The following FLT1 variants were observed in gnomAD, a reference collection of about 807,000 sequenced individuals.
The protein encoded by FLT1 is fms related receptor tyrosine kinase 1.
Under a neutral mutation model 156.3 loss-of-function variants are expected in FLT1, and 49 were observed. The observed-to-expected ratio is 0.31, with a 90% CI of 0.25 to 0.40. The LOEUF is 0.40. Ranked by LOEUF, FLT1 falls within the 10% of genes least tolerant of loss-of-function variation. The probability of loss-of-function intolerance (pLI) is 1.00; values close to 1 mark genes in which losing one functional copy is unlikely to be tolerated. For missense variants in FLT1, 1,322 were observed against 1,637.2 expected (o/e 0.81, Z 3.32); for synonymous variants, 594 against 583.8 (o/e 1.02, Z -0.25).
intron 1 of FLT1, among the ~76,000 whole-genome samples, chr13:28,486,595 G>C (rs1191236404): frequency 6.7e-6 from 1 of 149,734 alleles, no homozygotes; most frequent in Non-Finnish European, 1.5e-5. Flanking sequence ...ATAAGGCAGA[G>C]AAGGAGGACC....
chr13:28,362,399 C>T (rs1873143630), intron 14 of FLT1, among the ~76,000 whole-genome samples: 1 of 152,216 alleles, frequency 6.6e-6, no homozygotes, highest in Non-Finnish European at 1.5e-5. Flanking sequence ...TGTGGCTGTA[C>T]AGTTGCTCCG....
chr13:28,372,643 G>A (rs1487043172), intron 14 of FLT1, among the ~76,000 whole-genome samples: 1 of 135,954 alleles, frequency 7.4e-6, no homozygotes, highest in African/African-American at 2.7e-5. Context: ...CAGCACTTTG[G>A]GAGGCCAAGG....
At chr13:28,418,016 T>A (rs1876760276) in intron 10 of FLT1, among the ~76,000 whole-genome samples, 1 of 152,108 alleles carries the variant, frequency 6.6e-6, no homozygotes, top group Non-Finnish European at 1.5e-5. Context: ...TGAATCCTAA[T>A]CCAGGACATT....
At chr13:28,305,233 T>C (rs1019104077) in intron 29 of FLT1, among the ~76,000 whole-genome samples, 1 of 152,118 alleles carries the variant, frequency 6.6e-6, no homozygotes, top group Non-Finnish European at 1.5e-5. Context: ...TATCTTATGG[T>C]AATTTCTTTC....
intron 15 of FLT1, among the ~76,000 whole-genome samples, chr13:28,354,075 TC>T (rs1872819163): frequency 6.6e-6 from 1 of 152,172 alleles, no homozygotes; most frequent in African/African-American, 2.4e-5. Context: ...TCCATATGCA[TC>T]TAACAGGAAA....
At chr13:28,469,298 G>C (rs659413) in intron 1 of FLT1, among the ~76,000 whole-genome samples, 17,095 of 152,200 alleles carry the variant, frequency 0.11, 1,194 homozygotes, top group Admixed American at 0.2. Context: ...GTCATGGAGG[G>C]TTTACCATTA....
chr13:28,343,710 T>C (rs1248243681), intron 16 of FLT1, among the ~76,000 whole-genome samples: 3 of 151,178 alleles, frequency 2.0e-5, no homozygotes, highest in African/African-American at 7.3e-5. Context: ...TGGTGTGATC[T>C]TGGCTTACTG....
chr13:28,345,667 A>C (rs1408987447), intron 15 of FLT1, 116 bp from the exon 16 acceptor site: 2 of 716,810 alleles, frequency 2.8e-6, no homozygotes, highest in Non-Finnish European at 5.0e-6. Flanking sequence ...AGCGAACCCA[A>C]TCTGCTGCCA....
chr13:28,327,773 A>AAG (rs1249856920), intron 19 of FLT1, among the ~76,000 whole-genome samples: 7 of 122,414 alleles, frequency 5.7e-5, no homozygotes, highest in African/African-American at 2.0e-4. Context: ...AAAAAAAAAA[A>AAG]AAAGGAGGTG....
intron 10 of FLT1, among the ~76,000 whole-genome samples, chr13:28,411,920 G>A (rs1174758810): frequency 6.6e-6 from 1 of 151,632 alleles, no homozygotes; most frequent in Non-Finnish European, 1.5e-5. Context: ...TTTGGATGAT[G>A]AAATCTGAGG....
intron 10 of FLT1, among the ~76,000 whole-genome samples, chr13:28,406,320 T>C (rs1473545621): frequency 6.6e-6 from 1 of 152,202 alleles, no homozygotes; most frequent in Non-Finnish European, 1.5e-5. Flanking sequence ...GTTGGATGGC[T>C]AAGTTTTTCC....
In FLT1 at chr13:28,439,819, A is replaced by T. The variant is rs1878239666; in HGVS notation, c.389-1474T>A. 6.6e-6 allele frequency among the ~76,000 whole-genome samples: 1 copy of T among 152,220 alleles called. No individual in the cohort carries two copies. Among genetic ancestry groups the T allele is most frequent in the Admixed American group, 6.5e-5 (1 of 15,284 alleles). On this transcript the variant is annotated intron_variant, in intron 3 of 29. Coordinates refer to ENST00000282397, the MANE Select transcript of FLT1 (RefSeq NM_002019.4). This position sits in a 1 kb window ranked among gnomAD's most constrained non-coding sequence, Gnocchi z 4.1. Reference sequence around the variant, plus strand: ...GAGGGAGGGTTCTTCTGCAGGTTTCAGAAGGGGCATGGCCCAGATGATTTG... The same window carrying T: ...GAGGGAGGGTTCTTCTGCAGGTTTCTGAAGGGGCATGGCCCAGATGATTTG...
intron 1 of FLT1, among the ~76,000 whole-genome samples, chr13:28,484,949 G>A (rs1319609997): frequency 8.4e-6 from 1 of 118,538 alleles, no homozygotes; most frequent in East Asian, 3.0e-4. Flanking sequence ...GGGGAGGGGG[G>A]AGGGATAGCA....
intron 15 of FLT1, among the ~76,000 whole-genome samples, chr13:28,349,402 T>A (rs1394659156): frequency 6.7e-6 from 1 of 150,158 alleles, no homozygotes; most frequent in Non-Finnish European, 1.5e-5. Flanking sequence ...ACAGTGACAG[T>A]GAGGTTTAAT....
intron 17 of FLT1, among the ~76,000 whole-genome samples, chr13:28,337,916 T>G (rs919325688): frequency 7.2e-5 from 11 of 152,224 alleles, no homozygotes; most frequent in East Asian, 5.8e-4. Flanking sequence ...CCATATTTCC[T>G]GCCAAGGTCA....
chr13:28,309,726 C>T lies in FLT1; in HGVS notation c.3636-799G>A, dbSNP rs1870916824. On this transcript the variant is annotated intron_variant, in intron 27 of 29. Coordinates refer to ENST00000282397, the MANE Select transcript of FLT1 (RefSeq NM_002019.4). ...TTTATTTAATCCGAACTAGTTTTCC[C>T]AGCTTTACAAAATGATGACACATCT... 2.0e-5 allele frequency among the ~76,000 whole-genome samples: 3 copies of T among 147,776 alleles called. No individual in the cohort carries two copies. The South Asian group carries it at 6.8e-4, about 34-fold the overall frequency.
chr13:28,346,033 G>A (rs1264793377), intron 15 of FLT1, among the ~76,000 whole-genome samples: 1 of 150,656 alleles, frequency 6.6e-6, no homozygotes, highest in Non-Finnish European at 1.5e-5. Context: ...CTTCAAAGTA[G>A]AATTTAAGAA....
intron 23 of FLT1, 133 bp downstream of exon 23, chr13:28,321,330 G>T: frequency 9.0e-7 from 1 of 1,111,396 alleles, no homozygotes; most frequent in Non-Finnish European, 1.4e-6. Context: ...CCGCTCATCT[G>T]GACTGTTTGT....
At chr13:28,408,307 C>T (rs947824042) in intron 10 of FLT1, among the ~76,000 whole-genome samples, 1 of 152,168 alleles carries the variant, frequency 6.6e-6, no homozygotes, top group African/African-American at 2.4e-5. Flanking sequence ...CTCCCCCATC[C>T]CACACCCATG....
Sources: allele counts gnomAD v4.1 joint callset (sites outside exome capture counted in the v4.1 genomes callset), GRCh38; gene constraint gnomAD v4.1.1; non-coding constraint Gnocchi (gnomAD v3.1); transcripts MANE v1.5; gene names NCBI Gene and HGNC (gene_info 2026-07-23, HGNC 2026-07-21).